Variants in IQGAP1 observed in about 807,000 individuals in gnomAD.
IQGAP1 encodes IQ motif containing GTPase activating protein 1, also known as ras GTPase-activating-like protein IQGAP1.
IQGAP1 carries 66 observed loss-of-function variants against 215.6 expected under a neutral mutation model. That is an observed-to-expected ratio of 0.31 (90% CI 0.25 to 0.38). The LOEUF is 0.38. Ranked by LOEUF, IQGAP1 falls within the 10% of genes least tolerant of loss-of-function variation. The pLI, the probability that IQGAP1 is intolerant of heterozygous loss-of-function variation, is 1.00. For missense variants in IQGAP1, 1,712 were observed against 1,997.1 expected (o/e 0.86, Z 2.72); for synonymous variants, 772 against 728.7 (o/e 1.06, Z -0.96).
rs759080463 is a variant in IQGAP1 at position 90,388,323 on chromosome 15, A to G, written c.-19A>G. On this transcript the variant is annotated 5_prime_UTR_variant, in exon 1 of 38. Coordinates refer to ENST00000268182, the MANE Select transcript of IQGAP1 (RefSeq NM_003870.4). ...CAAGGTTTCACGGCTTCCTCAGCAG[A>G]GACTCGGGCTCGTCCGCCATGTCCG... 27 of 1,596,150 alleles carry G rather than the reference A, an allele frequency of 1.7e-5. No homozygotes were observed. The highest frequency in any genetic ancestry group is 2.2e-5 in the Non-Finnish European group (26 of 1,173,042).
chr15:90,476,093 G>A (rs1055094391), intron 23 of IQGAP1, among the ~76,000 whole-genome samples: 4 of 151,892 alleles, frequency 2.6e-5, no homozygotes, highest in African/African-American at 4.8e-5. Context: ...ATGCCACCAC[G>A]TCTGGCAAAT....
chr15:90,426,024 A>G, intron 2 of IQGAP1, 86 bp from the exon 3 acceptor site: 1 of 1,305,720 alleles, frequency 7.7e-7, no homozygotes, highest in Non-Finnish European at 1.0e-6. Context: ...AGCTTCTCCA[A>G]GGAGAATGGA....
chr15:90,395,678 A>G (rs115240742), intron 2 of IQGAP1, among the ~76,000 whole-genome samples: 2,170 of 152,330 alleles, frequency 0.014, 45 homozygotes, highest in African/African-American at 0.049. Context: ...GAAGGAGGTA[A>G]CATTTAAATA....
chr15:90,488,350 T>C (rs1218028613), intron 33 of IQGAP1, among the ~76,000 whole-genome samples: 5 of 152,186 alleles, frequency 3.3e-5, no homozygotes, highest in Non-Finnish European at 5.9e-5. Flanking sequence ...ACAATATAAA[T>C]GCTGTGTAAA....
intron 5 of IQGAP1, 58 bp from the exon 6 acceptor site, chr15:90,439,273 TA>T: frequency 7.2e-7 from 1 of 1,381,226 alleles, no homozygotes; most frequent in Non-Finnish European, 1.0e-6. Flanking sequence ...TTTCGCCTTT[TA>T]AGGGTGGCAG....
chr15:90,431,888 G>C (rs980189393), intron 4 of IQGAP1, among the ~76,000 whole-genome samples: 1 of 151,950 alleles, frequency 6.6e-6, no homozygotes, highest in Non-Finnish European at 1.5e-5. Flanking sequence ...TATCCTTTTT[G>C]ACTCTTTATT....
At chr15:90,474,284 C>G (rs1186418989) in intron 22 of IQGAP1, 151 bp downstream of exon 22, 4 of 788,342 alleles carry the variant, frequency 5.1e-6, no homozygotes, top group East Asian at 5.3e-5. Flanking sequence ...TAACATGTGG[C>G]TAGGTGTCTT....
At chr15:90,482,704 C>G (rs1203819781) in intron 28 of IQGAP1, 1 of 999,118 alleles carries the variant, frequency 1.0e-6, no homozygotes, top group Non-Finnish European at 1.2e-6. Flanking sequence ...TCTCCTAGTT[C>G]TGTGCTTTCC....
chr15:90,446,604 T>A (rs543466676), intron 9 of IQGAP1, among the ~76,000 whole-genome samples: 30 of 152,238 alleles, frequency 2.0e-4, no homozygotes, highest in Non-Finnish European at 3.7e-4. Flanking sequence ...TTTTCCTAAT[T>A]GTAGAGAAAG....
At chr15:90,416,232 A>G (rs1005310689) in intron 2 of IQGAP1, among the ~76,000 whole-genome samples, 4 of 151,838 alleles carry the variant, frequency 2.6e-5, no homozygotes, top group Admixed American at 6.6e-5. Context: ...AAGGACATGA[A>G]CTCATCCTTT....
Position 90,474,576 on chromosome 15 carries a change from T to A in IQGAP1, c.2667T>A (p.Leu889=). 1 of 1,614,098 alleles carries A rather than the reference T, an allele frequency of 6.2e-7. No homozygotes were observed. Among genetic ancestry groups the A allele is most frequent in the South Asian group, 1.1e-5 (1 of 91,082 alleles). Residue 889 remains leucine, a synonymous_variant, in exon 23 of 38, where the codon CTT becomes CTA. Coordinates refer to ENST00000268182, the MANE Select transcript of IQGAP1 (RefSeq NM_003870.4). ...AGGATTTTCAGGAGGAGCTTGACCT[T>A]ATGAAGATGCGGGAAGAGGTTATCA... ...SDQDFQEELD[L]MKMREEVITL... is the part of the protein sequence containing the mutation.
rs181157781 is a variant in IQGAP1 at position 90,416,799 on chromosome 15, G to A, written c.156-9311G>A. On this transcript the variant is annotated intron_variant, in intron 2 of 37. Coordinates refer to ENST00000268182, the MANE Select transcript of IQGAP1 (RefSeq NM_003870.4). ...TCTCCGTGTTAGCCAGGATGGTCTC[G>A]ATCTCCTGACCTCATGATCCACCTG... Among the ~76,000 whole-genome samples, 10 of 152,154 alleles carry A rather than the reference G, an allele frequency of 6.6e-5. No homozygotes were observed. In the South Asian group the frequency reaches 1.2e-3, roughly 19 times the overall value.
In IQGAP1 at chr15:90,462,404, A is replaced by G. The variant is rs142763305; in HGVS notation, c.1777-3597A>G. Among the ~76,000 whole-genome samples the G allele has an allele frequency of 9.1e-4, 139 of 152,292 alleles. 1 individual carries two copies. The East Asian group carries it at 0.02, about 22-fold the overall frequency. On this transcript the variant is annotated intron_variant, in intron 15 of 37. Coordinates refer to ENST00000268182, the MANE Select transcript of IQGAP1 (RefSeq NM_003870.4). ...TGAAATCCCACTATATGGCAACTAA[A>G]CCAGCAGTGACCATAAGGACTCTGC...
chr15:90,448,543 C>T (rs773302066), intron 9 of IQGAP1, 30 bp from the exon 10 acceptor site: 16 of 1,540,752 alleles, frequency 1.0e-5, no homozygotes, highest in Middle Eastern at 1.7e-4. Flanking sequence ...TAACATAGTC[C>T]TTTCACAAGC....
chr15:90,444,688 A>G (rs1159105879), intron 9 of IQGAP1, among the ~76,000 whole-genome samples: 1 of 152,192 alleles, frequency 6.6e-6, no homozygotes, highest in Non-Finnish European at 1.5e-5. Context: ...TTTTGTCACT[A>G]CTCTGCTAAA....
chr15:90,434,314 TG>T, intron 5 of IQGAP1, among the ~76,000 whole-genome samples: 1 of 152,122 alleles, frequency 6.6e-6, no homozygotes, highest in South Asian at 2.1e-4. Flanking sequence ...GGCGGGTGCC[TG>T]TAATCCCAGC....
chr15:90,458,350 T>C (rs925980876), intron 15 of IQGAP1, among the ~76,000 whole-genome samples: 1 of 152,238 alleles, frequency 6.6e-6, no homozygotes, highest in Admixed American at 6.5e-5. Context: ...ATTTGCACTT[T>C]ATTCGTGATT....
In IQGAP1 at chr15:90,484,328, T is replaced by C; in HGVS notation, c.3897T>C (p.Ile1299=). Reference sequence around the variant, plus strand: ...CCAAACCAGTAATCTACATTTCCATTGGTGAAATCATCAACACCCACACTG... The same window carrying C: ...CCAAACCAGTAATCTACATTTCCATCGGTGAAATCATCAACACCCACACTG... ...TLTKPVIYIS[I]GEIINTHTLL... is the part of the protein sequence containing the mutation. Residue 1299 remains isoleucine, a synonymous_variant, in exon 30 of 38, where the codon ATT becomes ATC. Transcript: ENST00000268182. 1 of 1,612,260 alleles carries C rather than the reference T, an allele frequency of 6.2e-7. No homozygotes were observed.
At chr15:90,442,664 C>T (rs1158014330) in intron 8 of IQGAP1, among the ~76,000 whole-genome samples, 1 of 152,074 alleles carries the variant, frequency 6.6e-6, no homozygotes, top group Non-Finnish European at 1.5e-5. Flanking sequence ...GATTGTGGAT[C>T]TGTATGTGCC....
Sources: gnomAD v4.1 joint callset for allele counts (sites outside exome capture counted in the v4.1 genomes callset) on GRCh38, gnomAD v4.1.1 for gene constraint, MANE v1.5 for transcripts, NCBI Gene and HGNC (gene_info 2026-07-23, HGNC 2026-07-21) for gene names.